Variants in DLG1 observed in about 807,000 individuals in gnomAD.
The protein encoded by DLG1 is discs large MAGUK scaffold protein 1.
A neutral mutation model predicts 123.4 loss-of-function variants in DLG1; 42 were observed. The observed-to-expected ratio is 0.34, with a 90% CI of 0.27 to 0.44. DLG1 has a LOEUF of 0.44. DLG1 is among the 20% of genes least tolerant of loss of function. DLG1 has a pLI of 1.00. For synonymous variants in DLG1, 317 were observed against 356.2 expected (o/e 0.89, Z 1.24); for missense variants, 942 against 1,082.6 (o/e 0.87, Z 1.82).
At chr3:197,122,181 G>T (rs750979746) in intron 11 of DLG1, among the ~76,000 whole-genome samples, 1 of 151,834 alleles carries the variant, frequency 6.6e-6, no homozygotes, top group Non-Finnish European at 1.5e-5. Context: ...ATGGTTTAGC[G>T]TTAGAAAATC....
intron 10 of DLG1, among the ~76,000 whole-genome samples, chr3:197,133,570 T>C (rs187773602): frequency 1.9e-3 from 293 of 152,330 alleles, no homozygotes; most frequent in Non-Finnish European, 3.6e-3. Flanking sequence ...TAATGTGAAA[T>C]GTGTAAGATG....
At chr3:197,160,368 T>TAC (rs1553969613) in intron 5 of DLG1, among the ~76,000 whole-genome samples, 1 of 141,782 alleles carries the variant, frequency 7.1e-6, no homozygotes, top group Non-Finnish European at 1.5e-5. Flanking sequence ...TCAATTCTAT[T>TAC]AAAAAAAAAA....
intron 7 of DLG1, among the ~76,000 whole-genome samples, chr3:197,141,831 C>T (rs1047789023): frequency 2.0e-5 from 3 of 152,084 alleles, no homozygotes; most frequent in African/African-American, 4.8e-5. Context: ...TCTCCTGATT[C>T]GAGTAGCTGG....
intron 16 of DLG1, 80 bp downstream of exon 16, chr3:197,085,500 T>C (rs1253176460): frequency 7.6e-6 from 11 of 1,440,764 alleles, no homozygotes; most frequent in Non-Finnish European, 1.1e-5. Context: ...TCCATCCATG[T>C]TGTCACAAAT....
At chr3:197,298,081 G>T in intron 1 of DLG1, 1 of 311,186 alleles carries the variant, frequency 3.2e-6, no homozygotes, top group East Asian at 1.7e-4. Flanking sequence ...GCCTCCTTCC[G>T]CGCCCCCAAC....
intron 4 of DLG1, among the ~76,000 whole-genome samples, chr3:197,263,525 A>T (rs994429215): frequency 6.6e-6 from 1 of 152,082 alleles, no homozygotes; most frequent in Non-Finnish European, 1.5e-5. Flanking sequence ...GGTAGCTCAC[A>T]CCTGTAATCC....
At chr3:197,051,525 G>T in intron 24 of DLG1, 52 bp downstream of exon 24, 1 of 1,478,518 alleles carries the variant, frequency 6.8e-7, no homozygotes, top group Non-Finnish European at 9.4e-7. Flanking sequence ...GGTTCACATG[G>T]CTTCAAAGCA....
chr3:197,296,567 A>G (rs1434677484), intron 2 of DLG1, 90 bp from the exon 3 acceptor site: 3 of 1,201,230 alleles, frequency 2.5e-6, no homozygotes, highest in African/African-American at 1.5e-5. Flanking sequence ...TGACATCTAA[A>G]TAGTTCCGCA....
intron 10 of DLG1, among the ~76,000 whole-genome samples, chr3:197,131,584 CTTTTTTTTTTTTTTTT>C (rs773487577): frequency 2.7e-4 from 18 of 65,740 alleles, no homozygotes; most frequent in South Asian, 8.0e-4. Context: ...TTCTTCCTTT[CTTTTTTTTTTTTTTTT>C]TTTTTTTTTT....
intron 4 of DLG1, among the ~76,000 whole-genome samples, chr3:197,208,239 C>T (rs1729605086): frequency 1.4e-5 from 2 of 146,354 alleles, no homozygotes; most frequent in African/African-American, 4.9e-5. Context: ...GTCAAATATC[C>T]AAGTTTGATA....
In DLG1 at chr3:197,129,340, C is replaced by T. The variant is rs545199192; in HGVS notation, c.1165+1187G>A. On this transcript the variant is annotated intron_variant, in intron 11 of 24. Coordinates refer to ENST00000667157, the MANE Select transcript of DLG1 (RefSeq NM_001366207.1). ...CTTTCCCTCAACCTCATGAACCAACCCCTGCTAGCCTCACATTTCTCTTCT... is the reference window on the plus strand; with the variant it reads ...CTTTCCCTCAACCTCATGAACCAACTCCTGCTAGCCTCACATTTCTCTTCT... Among the ~76,000 whole-genome samples the T allele has an allele frequency of 3.9e-5, 6 of 152,308 alleles. No individual in the cohort carries two copies. The East Asian group carries it at 9.6e-4, about 24-fold the overall frequency.
intron 24 of DLG1, among the ~76,000 whole-genome samples, chr3:197,051,127 A>G (rs1727317856): frequency 6.6e-6 from 1 of 152,184 alleles, no homozygotes; most frequent in Admixed American, 6.5e-5. Flanking sequence ...TAATCCTAGC[A>G]TTTTGACAGG....
intron 6 of DLG1, 50 bp downstream of exon 6, chr3:197,149,692 CG>C: frequency 8.6e-7 from 1 of 1,168,966 alleles, no homozygotes; most frequent in South Asian, 1.2e-5. Context: ...TATCAAAAAA[CG>C]GAACAGGAAA....
intron 12 of DLG1, among the ~76,000 whole-genome samples, chr3:197,116,924 G>A (rs1441779867): frequency 1.3e-5 from 2 of 152,026 alleles, no homozygotes; most frequent in South Asian, 2.1e-4. Flanking sequence ...AAATTAGATG[G>A]TGAATTCCGG....
chr3:197,070,504 T>G (rs920914418), intron 18 of DLG1: 1 of 149,334 alleles, frequency 6.7e-6, no homozygotes, highest in Non-Finnish European at 1.5e-5. Context: ...GATCCTCCCA[T>G]CTCAGCTTCC....
intron 17 of DLG1, among the ~76,000 whole-genome samples, chr3:197,077,036 C>T (rs1207988084): frequency 3.3e-5 from 5 of 152,236 alleles, no homozygotes; most frequent in East Asian, 1.9e-4. Flanking sequence ...AAGTGCTCTA[C>T]AGCAAAAGTT....
At chr3:197,134,621 A>G (rs539038849) in intron 10 of DLG1, among the ~76,000 whole-genome samples, 1 of 152,292 alleles carries the variant, frequency 6.6e-6, no homozygotes, top group Admixed American at 6.5e-5. Flanking sequence ...TGCTCAGTGG[A>G]GAGTCCTGAC....
chr3:197,183,849 T>A (rs1440679636), intron 5 of DLG1: 1 of 1,536,390 alleles, frequency 6.5e-7, no homozygotes, highest in African/African-American at 1.4e-5. Context: ...GGCTTACTTC[T>A]CTACCAGCTG....
At chr3:197,145,015 T>C (rs901286182) in intron 6 of DLG1, among the ~76,000 whole-genome samples, 6 of 151,410 alleles carry the variant, frequency 4.0e-5, no homozygotes, top group Non-Finnish European at 5.9e-5. Flanking sequence ...ATGGGGTCTA[T>C]GTTGACCAGG....
Sources: gnomAD v4.1 joint callset for allele counts (sites outside exome capture counted in the v4.1 genomes callset) on GRCh38, gnomAD v4.1.1 for gene constraint, MANE v1.5 for transcripts, NCBI Gene and HGNC (gene_info 2026-07-23, HGNC 2026-07-21) for gene names.